The following SGK1 variants were observed in gnomAD, a reference collection of about 807,000 sequenced individuals.
SGK1 encodes serine/threonine-protein kinase Sgk1.
A neutral mutation model predicts 64.2 loss-of-function variants in SGK1; 26 were observed. That is an observed-to-expected ratio of 0.40 (90% CI 0.30 to 0.56). The LOEUF (loss-of-function observed/expected upper bound fraction) is 0.56, where lower values mean the gene tolerates loss of function less well. Ranked by LOEUF, SGK1 falls within the 20% of genes least tolerant of loss-of-function variation. The probability of loss-of-function intolerance (pLI) is 0.38; values close to 1 mark genes in which losing one functional copy is unlikely to be tolerated. For missense variants in SGK1, 519 were observed against 645.6 expected (o/e 0.80, Z 2.12); for synonymous variants, 265 against 239.7 (o/e 1.11, Z -0.98).
At chr6:134,263,198 A>G (rs1345369774) in intron 1 of SGK1, among the ~76,000 whole-genome samples, 1 of 152,196 alleles carries the variant, frequency 6.6e-6, no homozygotes, top group Non-Finnish European at 1.5e-5. Flanking sequence ...CTAATCTCAT[A>G]GTTTACAATC....
chr6:134,207,088 T>C (rs1365635833), intron 3 of SGK1, among the ~76,000 whole-genome samples: 1 of 151,862 alleles, frequency 6.6e-6, no homozygotes, highest in Non-Finnish European at 1.5e-5. Context: ...TAGCTGGGCA[T>C]GGTGGCGGGC....
chr6:134,206,088 C>T (rs574415319), intron 3 of SGK1, among the ~76,000 whole-genome samples: 222 of 152,006 alleles, frequency 1.5e-3, no homozygotes, highest in African/African-American at 5.0e-3. Flanking sequence ...CATAAAGTGG[C>T]ATTCTTCTGA....
Position 134,174,496 on chromosome 6 carries a change from T to G in SGK1, c.437+15A>C, listed in dbSNP as rs201008691. Reference sequence around the variant, plus strand: ...AAACTATACTAGTTATTTCCTCAAATCCGGTCAAACTTACTGTTTGCATGC... The same window carrying G: ...AAACTATACTAGTTATTTCCTCAAAGCCGGTCAAACTTACTGTTTGCATGC... On this transcript the variant is annotated intron_variant, in intron 4 of 13. Transcript: ENST00000367858. The G allele has an allele frequency of 2.5e-6, 4 of 1,599,740 alleles. No individual in the cohort carries two copies. The highest frequency in any genetic ancestry group is 2.2e-5 in the East Asian group (1 of 44,808).
At position 134,171,121 on chromosome 6, in the gene SGK1, G is replaced by C; in HGVS notation, c.1225C>G (p.Leu409Val). The C allele has an allele frequency of 6.2e-7, 1 of 1,614,190 alleles. No individual in the cohort carries two copies. Among genetic ancestry groups the C allele is most frequent in the Non-Finnish European group, 8.5e-7 (1 of 1,180,032 alleles). Residue 409 changes from leucine to valine, a missense_variant, in exon 12 of 14, where the codon CTC (leucine) becomes GTC (valine). Leu to Val is a conservative substitution (Grantham distance 32). Transcript: ENST00000367858. ...EMYDNILNKP[L>V]QLKPNITNSA... ...TTTGTAATATTTGGTTTCAGCTGGA[G>C]AGGCTTGTTCAGAATGTTGTCGTAC...
intron 2 of SGK1, among the ~76,000 whole-genome samples, chr6:134,210,895 C>T (rs538448211): frequency 8.0e-5 from 12 of 149,214 alleles, no homozygotes; most frequent in African/African-American, 2.5e-4. Context: ...GAGACTGAGG[C>T]GGGTGGGTCG....
chr6:134,259,723 A>G (rs763187770), intron 2 of SGK1: 1 of 152,190 alleles, frequency 6.6e-6, no homozygotes, highest in African/African-American at 2.4e-5. Flanking sequence ...AGGCTAAAAT[A>G]TTTACTATCT....
chr6:134,315,033 C>T (rs1259065348), intron 1 of SGK1, among the ~76,000 whole-genome samples: 2 of 152,100 alleles, frequency 1.3e-5, no homozygotes, highest in Non-Finnish European at 1.5e-5. Flanking sequence ...ACAGTTACTA[C>T]ATCTGGGAAA....
chr6:134,285,520 G>A (rs1290554604), intron 1 of SGK1, among the ~76,000 whole-genome samples: 7 of 144,680 alleles, frequency 4.8e-5, no homozygotes, highest in Admixed American at 1.4e-4. Flanking sequence ...CACCACATCC[G>A]CACCAGCATC....
chr6:134,231,730 T>G (rs968089398), intron 2 of SGK1, among the ~76,000 whole-genome samples: 10 of 152,180 alleles, frequency 6.6e-5, no homozygotes, highest in Non-Finnish European at 1.5e-4. Flanking sequence ...TTACATGGTA[T>G]CTATAAAGTG....
chr6:134,188,853 C>G (rs560870792), intron 3 of SGK1, among the ~76,000 whole-genome samples: 1 of 151,776 alleles, frequency 6.6e-6, no homozygotes, highest in Non-Finnish European at 1.5e-5. Context: ...CCACTTCAGC[C>G]TCCTGAGTAT....
chr6:134,174,136 A>G, intron 4 of SGK1, 56 bp from the exon 5 acceptor site: 1 of 1,302,562 alleles, frequency 7.7e-7, no homozygotes, highest in Non-Finnish European at 1.1e-6. Context: ...GGGGCACACC[A>G]ACATCAAAAG....
At chr6:134,223,029 G>A (rs566814957) in intron 2 of SGK1, among the ~76,000 whole-genome samples, 151 of 152,278 alleles carry the variant, frequency 9.9e-4, no homozygotes, top group African/African-American at 3.5e-3. Context: ...ACTGGGTACA[G>A]GCAAGAACCC....
At chr6:134,276,074 CCTGCTCT>C (rs1777013068) in intron 1 of SGK1, among the ~76,000 whole-genome samples, 1 of 152,148 alleles carries the variant, frequency 6.6e-6, no homozygotes, top group Non-Finnish European at 1.5e-5. Flanking sequence ...CTAGCTTATT[CCTGCTCT>C]ATTTTCTGTC....
At chr6:134,197,182 G>A (rs754954413) in intron 3 of SGK1, among the ~76,000 whole-genome samples, 2 of 152,122 alleles carry the variant, frequency 1.3e-5, no homozygotes, top group Non-Finnish European at 2.9e-5. Flanking sequence ...ACAGTAAGCC[G>A]TGATCGCACT....
At chr6:134,172,875 C>A in intron 8 of SGK1, 101 bp from the exon 9 acceptor site, 1 of 1,211,500 alleles carries the variant, frequency 8.3e-7, no homozygotes, top group Non-Finnish European at 1.2e-6. Flanking sequence ...CCCAAGTAAT[C>A]TATTAACTAT....
intron 2 of SGK1, among the ~76,000 whole-genome samples, chr6:134,257,793 A>G (rs1776706922): frequency 6.6e-6 from 1 of 152,238 alleles, no homozygotes; most frequent in Non-Finnish European, 1.5e-5. Context: ...TTTACAAAAG[A>G]GTTTTTAAAA....
At chr6:134,297,125 G>A (rs543388894) in intron 1 of SGK1, 3 of 556,148 alleles carry the variant, frequency 5.4e-6, no homozygotes, top group East Asian at 4.0e-5. Context: ...AGCTGAGGCT[G>A]GGACTTGTGA....
intron 3 of SGK1, among the ~76,000 whole-genome samples, chr6:134,202,441 C>G (rs887495400): frequency 6.6e-6 from 1 of 151,896 alleles, no homozygotes; most frequent in Non-Finnish European, 1.5e-5. Flanking sequence ...GTCAGGAGTT[C>G]AAGACCAGCC....
At chr6:134,222,216 C>G (rs1776100458) in intron 2 of SGK1, among the ~76,000 whole-genome samples, 2 of 152,136 alleles carry the variant, frequency 1.3e-5, no homozygotes, top group Admixed American at 6.6e-5. Flanking sequence ...CTATTCCCAA[C>G]CTAGCAGCCA....
Sources: gnomAD v4.1 joint callset for allele counts (sites outside exome capture counted in the v4.1 genomes callset) on GRCh38, gnomAD v4.1.1 for gene constraint, MANE v1.5 for transcripts, NCBI Gene and HGNC (gene_info 2026-07-23, HGNC 2026-07-21) for gene names.